SLC24A2: variants seen among roughly 807,000 people sequenced by gnomAD.
The protein encoded by SLC24A2 is sodium/potassium/calcium exchanger 2.
SLC24A2 carries 36 observed loss-of-function variants against 62.0 expected under a neutral mutation model. The ratio of observed to expected loss-of-function variants is 0.58; its 90% CI spans 0.44 to 0.77. The LOEUF (loss-of-function observed/expected upper bound fraction) is 0.77. Ranked by LOEUF, SLC24A2 falls within the 30% of genes least tolerant of loss-of-function variation. The probability of loss-of-function intolerance (pLI) is 0.00; values close to 1 mark genes in which losing one functional copy is unlikely to be tolerated. For missense variants in SLC24A2, 846 were observed against 817.9 expected (o/e 1.03, Z -0.42); for synonymous variants, 358 against 294.0 (o/e 1.22, Z -2.23).
the SLC24A2 span, among the ~76,000 whole-genome samples, chr9:20,231,457 T>G: frequency 3.0e-3 from 459 of 152,210 alleles, 3 homozygotes; most frequent in African/African-American, 0.01. Flanking sequence ...CACATCCCTT[T>G]TAAGTTGGAT....
At chr9:19,805,492 A>G in the SLC24A2 span, among the ~76,000 whole-genome samples, 2 of 152,202 alleles carry the variant, frequency 1.3e-5, no homozygotes, top group Non-Finnish European at 2.9e-5. Flanking sequence ...CTCAAAATGA[A>G]CATACATATG....
chr9:20,048,061 C>A, the SLC24A2 span, among the ~76,000 whole-genome samples: 1 of 151,998 alleles, frequency 6.6e-6, no homozygotes, highest in African/African-American at 2.4e-5. Context: ...AGGGAAAACC[C>A]AGGATTGGGA....
the SLC24A2 span, among the ~76,000 whole-genome samples, chr9:20,269,096 G>C: frequency 1.3e-5 from 2 of 152,160 alleles, no homozygotes; most frequent in Non-Finnish European, 2.9e-5. Context: ...TGGATTTCAG[G>C]GGGTGGGGAG....
At chr9:19,936,913 GGCAGAGA>G in the SLC24A2 span, among the ~76,000 whole-genome samples, 2 of 152,148 alleles carry the variant, frequency 1.3e-5, no homozygotes, top group Admixed American at 6.5e-5. Context: ...ATGGGGTGGA[GGCAGAGA>G]GCAGAGAGGT....
At chr9:19,518,410 T>TTTTTC (rs755461478) in intron 10 of SLC24A2, among the ~76,000 whole-genome samples, 2 of 151,690 alleles carry the variant, frequency 1.3e-5, no homozygotes, top group Admixed American at 6.6e-5. Flanking sequence ...CTTTTCTTTC[T>TTTTTC]TTTTCTTTTC....
chr9:19,970,135 C>T, the SLC24A2 span, among the ~76,000 whole-genome samples: 2 of 152,182 alleles, frequency 1.3e-5, no homozygotes, highest in Non-Finnish European at 2.9e-5. Flanking sequence ...CCCCCATCAC[C>T]CCTCCACGCA....
chr9:20,057,122 CA>C, the SLC24A2 span, among the ~76,000 whole-genome samples: 1 of 152,158 alleles, frequency 6.6e-6, no homozygotes, highest in African/African-American at 2.4e-5. Context: ...TGTGCATTTG[CA>C]TACATCACCT....
chr9:19,786,164 A>T lies in SLC24A2; in HGVS notation c.703T>A (p.Trp235Arg), dbSNP rs766452988. The change falls in exon 2 of 11, where the codon TGG (tryptophan) becomes AGG (arginine). Residue 235 changes from tryptophan (W) to arginine (R), a missense_variant. Physicochemically the swap from Trp to Arg is moderately radical, Grantham distance 101 (BLOSUM62 -3). Coordinates refer to ENST00000341998, the MANE Select transcript of SLC24A2 (RefSeq NM_020344.4). This position sits in a 1 kb window ranked among gnomAD's most constrained non-coding sequence, Gnocchi z 5.0. ...GACACATCTCGAAAGAGCGGCCACC[A>T]TGTCAGGTTTAAGATTTCTCTAGAA... ...LFSREILNLTWWPLFRDVSFY... is the reference protein window; with the variant it reads ...LFSREILNLTRWPLFRDVSFY... 2 of 1,614,212 alleles carry T rather than the reference A, an allele frequency of 1.2e-6. No homozygotes were observed. The highest frequency in any genetic ancestry group is 2.2e-5 in the South Asian group (2 of 91,080).
chr9:20,147,547 T>G, the SLC24A2 span, among the ~76,000 whole-genome samples: 4 of 152,182 alleles, frequency 2.6e-5, no homozygotes, highest in African/African-American at 7.2e-5. Flanking sequence ...GTTTGGCAAG[T>G]GCCCAATGTA....
the SLC24A2 span, among the ~76,000 whole-genome samples, chr9:20,097,119 T>A: frequency 1.3e-5 from 2 of 152,068 alleles, no homozygotes; most frequent in African/African-American, 2.4e-5. Context: ...CCACCCTACA[T>A]CCTATACTTG....
chr9:20,275,233 C>A, the SLC24A2 span, among the ~76,000 whole-genome samples: 1 of 152,018 alleles, frequency 6.6e-6, no homozygotes, highest in African/African-American at 2.4e-5. Context: ...AGAGAGAAGA[C>A]CTGCAGAGAA....
intron 2 of SLC24A2, among the ~76,000 whole-genome samples, chr9:19,718,651 C>T (rs944030506): frequency 6.6e-6 from 1 of 152,044 alleles, no homozygotes; most frequent in African/African-American, 2.4e-5. Flanking sequence ...CTTTGACTGA[C>T]ACCTGTGGTT....
chr9:19,573,851 G>C (rs1023077599), intron 6 of SLC24A2, among the ~76,000 whole-genome samples: 2 of 152,132 alleles, frequency 1.3e-5, no homozygotes, highest in African/African-American at 4.8e-5. Flanking sequence ...CAGGAAACAT[G>C]AACATAGACA....
the SLC24A2 span, among the ~76,000 whole-genome samples, chr9:20,187,917 G>T: frequency 6.6e-6 from 1 of 152,130 alleles, no homozygotes; most frequent in Non-Finnish European, 1.5e-5. Flanking sequence ...TGATTCCTCC[G>T]CTCATGAAAA....
At chr9:20,124,704 C>T in the SLC24A2 span, among the ~76,000 whole-genome samples, 1 of 152,324 alleles carries the variant, frequency 6.6e-6, no homozygotes, top group South Asian at 2.1e-4. Flanking sequence ...AATCCTCTCA[C>T]TCCATAAAAG....
intron 2 of SLC24A2, among the ~76,000 whole-genome samples, chr9:19,706,963 A>T (rs929879286): frequency 3.3e-5 from 5 of 152,032 alleles, no homozygotes; most frequent in African/African-American, 1.2e-4. Context: ...TAATGAATCC[A>T]GGAGCTGGTT....
chr9:19,787,746 C>T (rs1272234574), intron 1 of SLC24A2, among the ~76,000 whole-genome samples: 3 of 152,086 alleles, frequency 2.0e-5, no homozygotes, highest in Non-Finnish European at 2.9e-5. Context: ...AAAAAAACAA[C>T]CTTTAGTCAT....
chr9:20,118,208 A>G, the SLC24A2 span, among the ~76,000 whole-genome samples: 1 of 152,052 alleles, frequency 6.6e-6, no homozygotes. Context: ...CTTCCTCTTT[A>G]ATTATTTATT....
At chr9:19,777,746 T>C (rs2118915451) in intron 2 of SLC24A2, among the ~76,000 whole-genome samples, 1 of 152,282 alleles carries the variant, frequency 6.6e-6, no homozygotes, top group African/African-American at 2.4e-5. Context: ...TGTATGTGTA[T>C]ATGAGAAGTT....
Sources: allele counts gnomAD v4.1 joint callset (sites outside exome capture counted in the v4.1 genomes callset), GRCh38; gene constraint gnomAD v4.1.1; non-coding constraint Gnocchi (gnomAD v3.1); transcripts MANE v1.5; gene names NCBI Gene and HGNC (gene_info 2026-07-23, HGNC 2026-07-21).